The following KCNN3 variants were observed in gnomAD, a reference collection of about 807,000 sequenced individuals.
KCNN3 encodes small conductance calcium-activated potassium channel protein 3.
KCNN3 carries 16 observed loss-of-function variants against 62.9 expected under a neutral mutation model. That is an observed-to-expected ratio of 0.25 (90% CI 0.17 to 0.39). KCNN3 has a LOEUF of 0.39. KCNN3 is among the 10% of genes least tolerant of loss of function. The pLI is 1.00. For synonymous variants in KCNN3, 370 were observed against 389.2 expected (o/e 0.95, Z 0.58); for missense variants, 599 against 949.4 (o/e 0.63, Z 4.85).
intron 2 of KCNN3, among the ~76,000 whole-genome samples, chr1:154,813,836 G>A (rs1011671017): frequency 7.2e-5 from 11 of 152,210 alleles, no homozygotes; most frequent in East Asian, 1.9e-4. Flanking sequence ...CATCGGAGAC[G>A]CCAGCCAGGG....
chr1:154,702,984 T>C lies in KCNN3; in HGVS notation c.*4992A>G, dbSNP rs1699890313. On this transcript the variant is annotated 3_prime_UTR_variant, in exon 8 of 8. Coordinates refer to ENST00000271915, the MANE Select transcript of KCNN3 (RefSeq NM_002249.6). Reference sequence around the variant, plus strand: ...GATTTGGAGGTCATATGTTGAAGATTTGACAATGGTTTTGTTCAGAGGGAA... The same window carrying C: ...GATTTGGAGGTCATATGTTGAAGATCTGACAATGGTTTTGTTCAGAGGGAA... The C allele has an allele frequency of 6.6e-6, 1 of 151,762 alleles. No homozygotes were observed. The highest frequency in any genetic ancestry group is 2.1e-4 in the South Asian group (1 of 4,812). The allele number at this position is 151,762 out of a possible 1,614,324, so 9.4% of individuals were successfully genotyped here.
At chr1:154,826,484 C>T (rs1246166654) in intron 1 of KCNN3, among the ~76,000 whole-genome samples, 2 of 151,432 alleles carry the variant, frequency 1.3e-5, no homozygotes, top group African/African-American at 4.9e-5. Context: ...AACTTCTCAC[C>T]ATGGCAAAGC....
Position 154,815,348 on chromosome 1 carries a change from G to A in KCNN3, c.1029+6741C>T, listed in dbSNP as rs75853562. On this transcript the variant is annotated intron_variant, in intron 2 of 7. Transcript: ENST00000271915. ...CTCTTTTTTTTTCCTCTCCTGAAAC[G>A]CTCTGGGCCAGCTTTGTCCTGAGCA... Among the ~76,000 whole-genome samples the A allele has an allele frequency of 5.4e-3, 815 of 152,046 alleles. 3 individuals are homozygous for A. The highest frequency in any genetic ancestry group is 0.01 in the South Asian group (48 of 4,788).
chr1:154,868,898 C>G, intron 1 of KCNN3, 134 bp downstream of exon 1: 1 of 956,310 alleles, frequency 1.0e-6, no homozygotes, highest in South Asian at 1.3e-5. Context: ...CCCAATCTCT[C>G]AATCTCTCTC....
chr1:154,870,243 T>C lies in KCNN3; in HGVS notation c.-279A>G, dbSNP rs1053517534. On this transcript the variant is annotated 5_prime_UTR_variant, in exon 1 of 8. Coordinates refer to ENST00000271915, the MANE Select transcript of KCNN3 (RefSeq NM_002249.6). ...CTCAGGAGGTGGTCCTCTAGGAGCG[T>C]GTGAGGCCAGGCTCAGCTTCACTCC... 8 of 621,592 alleles carry C rather than the reference T, an allele frequency of 1.3e-5. No individual in the cohort carries two copies. The highest frequency in any genetic ancestry group is 2.4e-5 in the Non-Finnish European group (8 of 334,010). The allele number at this position is 621,592 out of a possible 1,614,324, so 38.5% of individuals were successfully genotyped here.
At chr1:154,837,538 C>T (rs924467034) in intron 1 of KCNN3, among the ~76,000 whole-genome samples, 4 of 152,070 alleles carry the variant, frequency 2.6e-5, no homozygotes, top group African/African-American at 2.4e-5. Flanking sequence ...GCTCTGGGCC[C>T]GAGAGCACAG....
intron 1 of KCNN3, among the ~76,000 whole-genome samples, chr1:154,858,128 C>T (rs1020559042): frequency 2.0e-5 from 3 of 152,152 alleles, no homozygotes; most frequent in Non-Finnish European, 4.4e-5. Context: ...TGCCAAAATG[C>T]CCTCCCACCA....
At chr1:154,755,052 G>T (rs1647572635) in intron 3 of KCNN3, among the ~76,000 whole-genome samples, 1 of 152,204 alleles carries the variant, frequency 6.6e-6, no homozygotes, top group Admixed American at 6.5e-5. Flanking sequence ...TTTGTCTGTT[G>T]CCTGGCCTGC....
At chr1:154,711,506 A>G (rs1238253289) in intron 7 of KCNN3, among the ~76,000 whole-genome samples, 3 of 91,498 alleles carry the variant, frequency 3.3e-5, no homozygotes, top group African/African-American at 6.5e-5. Context: ...TAATAAAACT[A>G]AAAAAAAAAA....
chr1:154,749,620 C>G (rs568889420), intron 3 of KCNN3, among the ~76,000 whole-genome samples: 1 of 152,002 alleles, frequency 6.6e-6, no homozygotes, highest in Non-Finnish European at 1.5e-5. Context: ...GACGTCAGGG[C>G]GAGTGGGAAG....
At chr1:154,744,178 T>C (rs142407976) in intron 3 of KCNN3, among the ~76,000 whole-genome samples, 1 of 152,206 alleles carries the variant, frequency 6.6e-6, no homozygotes, top group East Asian at 1.9e-4. Flanking sequence ...GGACTTTTTC[T>C]GTTTTCTTTA....
intron 2 of KCNN3, among the ~76,000 whole-genome samples, chr1:154,814,199 G>A (rs1337658436): frequency 1.3e-5 from 2 of 152,250 alleles, no homozygotes; most frequent in Non-Finnish European, 1.5e-5. Flanking sequence ...CTCTCAGCCT[G>A]TTAGAGGCTC....
At chr1:154,860,019 T>G (rs970024143) in intron 1 of KCNN3, among the ~76,000 whole-genome samples, 10 of 152,190 alleles carry the variant, frequency 6.6e-5, no homozygotes, top group Admixed American at 2.0e-4. Context: ...CCAGGGCTTG[T>G]GAAACAGATA....
intron 2 of KCNN3, among the ~76,000 whole-genome samples, chr1:154,797,076 C>G (rs1349985462): frequency 6.6e-6 from 1 of 152,176 alleles, no homozygotes; most frequent in African/African-American, 2.4e-5. Context: ...CCCAATGAAG[C>G]CAGTCTCCGA....
intron 1 of KCNN3, among the ~76,000 whole-genome samples, chr1:154,865,189 G>T (rs1652906210): frequency 6.6e-6 from 1 of 152,070 alleles, no homozygotes; most frequent in African/African-American, 2.4e-5. Context: ...CCCCAAACCA[G>T]CTCTAAAAGA....
intron 1 of KCNN3, among the ~76,000 whole-genome samples, chr1:154,859,462 A>G (rs1240572845): frequency 6.6e-6 from 1 of 152,180 alleles, no homozygotes; most frequent in Non-Finnish European, 1.5e-5. Context: ...GTCTCCCCAC[A>G]TCCATTACAA....
chr1:154,707,425 C>CT lies in KCNN3; in HGVS notation c.*550dup, dbSNP rs5777927. On this transcript the variant is annotated 3_prime_UTR_variant, in exon 8 of 8. Transcript: ENST00000271915. ...AATCTGGCTTTTTATTTGTCTGTGT[C>CT]TTTTTTTTTTTTTTTCAGTCTGATT... The CT allele has an allele frequency of 0.68, 93,793 of 137,874 alleles. 33,262 individuals carry two copies. Among genetic ancestry groups the CT allele is most frequent in the Middle Eastern group, 0.85 (228 of 268 alleles). 8.5% of individuals were successfully genotyped at this position (137,874 alleles called of 1,614,324 possible). A position where few individuals can be genotyped will look rare whatever the true frequency, so the allele number is the denominator to read the frequency against.
chr1:154,863,684 G>A (rs1018719559), intron 1 of KCNN3, among the ~76,000 whole-genome samples: 5 of 152,054 alleles, frequency 3.3e-5, no homozygotes, highest in Admixed American at 2.6e-4. Context: ...CAGATCTTTT[G>A]ACCATGGCCT....
chr1:154,834,340 G>A (rs1424627729), intron 1 of KCNN3, among the ~76,000 whole-genome samples: 2 of 152,224 alleles, frequency 1.3e-5, no homozygotes, highest in Non-Finnish European at 2.9e-5. Flanking sequence ...GGGCTTCAAG[G>A]AAACTGCAAG....
Sources: gnomAD v4.1 joint callset for allele counts (sites outside exome capture counted in the v4.1 genomes callset) on GRCh38, gnomAD v4.1.1 for gene constraint, MANE v1.5 for transcripts, NCBI Gene and HGNC (gene_info 2026-07-23, HGNC 2026-07-21) for gene names.